SPECC1: variants seen among roughly 807,000 people sequenced by gnomAD.
SPECC1 encodes the protein sperm antigen with calponin homology and coiled-coil domains 1, also known as cytospin-B.
Under a neutral mutation model 104.1 loss-of-function variants are expected in SPECC1, and 62 were observed. The observed-to-expected ratio is 0.60, with a 90% CI of 0.49 to 0.74. The LOEUF (loss-of-function observed/expected upper bound fraction) is 0.74, where lower values mean the gene tolerates loss of function less well. SPECC1 is among the 30% of genes least tolerant of loss of function. SPECC1 has a pLI of 0.00. For synonymous variants in SPECC1, 513 were observed against 501.6 expected (o/e 1.02, Z -0.30); for missense variants, 1,306 against 1,310.5 (o/e 1.00, Z 0.05).
chr17:20,237,631 CT>C, intron 7 of SPECC1: 1 of 196,124 alleles, frequency 5.1e-6, no homozygotes, highest in Non-Finnish European at 1.1e-5. Flanking sequence ...CCAAGTTCTA[CT>C]TTTTGGTGTT....
chr17:20,254,562 G>C (rs1199621987), intron 10 of SPECC1, among the ~76,000 whole-genome samples: 2 of 152,134 alleles, frequency 1.3e-5, no homozygotes, highest in African/African-American at 2.4e-5. Context: ...CGCCTGCCCA[G>C]AACTAAAGGG....
intron 3 of SPECC1, among the ~76,000 whole-genome samples, chr17:20,111,446 C>A (rs887559055): frequency 3.3e-5 from 5 of 152,158 alleles, no homozygotes; most frequent in African/African-American, 1.2e-4. Flanking sequence ...CCTGGTTTTT[C>A]TATATAATGG....
intron 1 of SPECC1, among the ~76,000 whole-genome samples, chr17:20,021,702 A>ATTTTTTTTTTTT (rs1187795523): frequency 7.2e-6 from 1 of 139,270 alleles, no homozygotes; most frequent in East Asian, 2.1e-4. Flanking sequence ...ATATATATAT[A>ATTTTTTTTTTTT]TTTTTTTGTA....
intron 12 of SPECC1, among the ~76,000 whole-genome samples, chr17:20,270,433 C>T: frequency 2.3e-5 from 1 of 43,550 alleles, no homozygotes; most frequent in Non-Finnish European, 3.9e-5. Flanking sequence ...CTGTCTTTAC[C>T]AAAAAAAAAA....
chr17:20,225,679 C>T (rs941040066), intron 4 of SPECC1, among the ~76,000 whole-genome samples: 3 of 152,184 alleles, frequency 2.0e-5, no homozygotes, highest in African/African-American at 7.2e-5. Flanking sequence ...CTTTCCTCCC[C>T]TCTCCGGTGC....
intron 1 of SPECC1, among the ~76,000 whole-genome samples, chr17:20,066,907 T>A (rs1403119278): frequency 7.4e-6 from 1 of 134,272 alleles, no homozygotes; most frequent in Non-Finnish European, 1.6e-5. Flanking sequence ...ACCTGGCTAA[T>A]CAAATTTTTT....
intron 1 of SPECC1, among the ~76,000 whole-genome samples, chr17:20,026,318 C>G (rs893653288): frequency 1.4e-4 from 22 of 152,040 alleles, no homozygotes; most frequent in African/African-American, 5.3e-4. Flanking sequence ...ATTTATCATT[C>G]CTTTGTGCTG....
At chr17:20,091,436 C>T (rs1371018053) in intron 1 of SPECC1, among the ~76,000 whole-genome samples, 1 of 152,226 alleles carries the variant, frequency 6.6e-6, no homozygotes, top group Non-Finnish European at 1.5e-5. Flanking sequence ...CACCGTGGCA[C>T]TGCTGACATT....
At chr17:20,213,292 C>G (rs1469129158) in intron 4 of SPECC1, among the ~76,000 whole-genome samples, 2 of 152,088 alleles carry the variant, frequency 1.3e-5, no homozygotes, top group African/African-American at 2.4e-5. Context: ...GAGACAGGAT[C>G]TTGCTCTGTT....
At chr17:20,069,387 T>C (rs566404286) in intron 1 of SPECC1, among the ~76,000 whole-genome samples, 6 of 152,336 alleles carry the variant, frequency 3.9e-5, no homozygotes, top group Admixed American at 3.3e-4. Context: ...AGTTTGTCTT[T>C]GCTTACTTCT....
chr17:20,133,853 G>A, intron 3 of SPECC1, among the ~76,000 whole-genome samples: 1 of 152,112 alleles, frequency 6.6e-6, no homozygotes, highest in Non-Finnish European at 1.5e-5. Flanking sequence ...AACCAGACCA[G>A]TCTCCACTGT....
At chr17:20,103,484 G>A (rs2048038938) in intron 2 of SPECC1, among the ~76,000 whole-genome samples, 1 of 152,218 alleles carries the variant, frequency 6.6e-6, no homozygotes, top group Admixed American at 6.5e-5. Context: ...GTAGGCTAAA[G>A]ATGTACGTCC....
intron 12 of SPECC1, among the ~76,000 whole-genome samples, chr17:20,281,015 C>T (rs2040751404): frequency 6.6e-6 from 1 of 152,184 alleles, no homozygotes; most frequent in African/African-American, 2.4e-5. Flanking sequence ...GAGCGGGTCA[C>T]AGTTTGGTTT....
intron 1 of SPECC1, among the ~76,000 whole-genome samples, chr17:20,048,051 G>A (rs2045605052): frequency 6.6e-6 from 1 of 152,052 alleles, no homozygotes; most frequent in Non-Finnish European, 1.5e-5. Flanking sequence ...AAGGAGCAGG[G>A]CCCACAGGGA....
Position 20,237,964 on chromosome 17 carries a change from A to G in SPECC1, c.2351+5559A>G. On this transcript the variant is annotated intron_variant, in intron 7 of 14. Coordinates refer to ENST00000395527, the MANE Select transcript of SPECC1 (RefSeq NM_001243439.2). ...ACCATGTTGGTCAGGCTGGTCTCGA[A>G]CTCCTGACCTCAAGTGATCTGGCCG... is the stretch of plus-strand genomic sequence containing the variant. 4.5e-6 allele frequency: 4 copies of G among 885,362 alleles called. No individual in the cohort carries two copies. In the South Asian group the frequency reaches 2.1e-4, roughly 47 times the overall value. The allele number at this position is 885,362 out of a possible 1,614,324, so 54.8% of individuals were successfully genotyped here. A position where few individuals can be genotyped will look rare whatever the true frequency, so the allele number is the denominator to read the frequency against.
chr17:20,312,252 A>G (rs930163979), intron 14 of SPECC1, among the ~76,000 whole-genome samples: 1 of 152,188 alleles, frequency 6.6e-6, no homozygotes, highest in Non-Finnish European at 1.5e-5. Context: ...TATCTTTTGG[A>G]GGGTCTTAAC....
chr17:20,291,823 C>T (rs926369492), intron 12 of SPECC1, among the ~76,000 whole-genome samples: 1 of 151,802 alleles, frequency 6.6e-6, no homozygotes, highest in African/African-American at 2.4e-5. Context: ...GGGGTTACAG[C>T]GTGAGCTACC....
chr17:20,055,890 G>A lies in SPECC1; in HGVS notation c.-21-40741G>A, dbSNP rs116490288. ...CAGGCTTGTGCTCAGCTGTTTCAGT[G>A]CCTCTCTGGAGCATGCACCTTGGGA... On this transcript the variant is annotated intron_variant, in intron 1 of 14. Transcript: ENST00000395527. Among the ~76,000 whole-genome samples, 827 of 152,302 alleles carry A rather than the reference G, an allele frequency of 5.4e-3. 8 individuals carry two copies. The highest frequency in any genetic ancestry group is 0.019 in the African/African-American group (779 of 41,570).
intron 1 of SPECC1, among the ~76,000 whole-genome samples, chr17:20,066,437 G>A (rs780200265): frequency 2.6e-5 from 4 of 152,148 alleles, no homozygotes; most frequent in African/African-American, 7.2e-5. Flanking sequence ...TAGCCTGCAC[G>A]GAGATTCCTT....
Sources: gnomAD v4.1 joint callset for allele counts (sites outside exome capture counted in the v4.1 genomes callset) on GRCh38, gnomAD v4.1.1 for gene constraint, MANE v1.5 for transcripts, NCBI Gene and HGNC (gene_info 2026-07-23, HGNC 2026-07-21) for gene names.